The following DZIP3 variants were observed in gnomAD, a reference collection of about 807,000 sequenced individuals.
The protein encoded by DZIP3 is E3 ubiquitin-protein ligase DZIP3.
DZIP3 carries 118 observed loss-of-function variants against 162.0 expected under a neutral mutation model. The ratio of observed to expected loss-of-function variants is 0.73; its 90% confidence interval spans 0.63 to 0.85. DZIP3 has a LOEUF of 0.85. Among genes scored for constraint, DZIP3 ranks in the 40% least tolerant of loss-of-function variants. The pLI is 0.00. For synonymous variants in DZIP3, 438 were observed against 458.6 expected (o/e 0.96, Z 0.57); for missense variants, 1,331 against 1,407.0 (o/e 0.95, Z 0.86).
chr3:108,627,802 G>A (rs531558547), intron 7 of DZIP3, among the ~76,000 whole-genome samples: 1 of 151,692 alleles, frequency 6.6e-6, no homozygotes, highest in South Asian at 2.1e-4. Context: ...AAGCTTTTTC[G>A]TCCTGGGCAA....
chr3:108,681,055 C>T (rs2107395623), intron 26 of DZIP3, among the ~76,000 whole-genome samples: 1 of 152,236 alleles, frequency 6.6e-6, no homozygotes, highest in East Asian at 1.9e-4. Flanking sequence ...GACTTCATGA[C>T]TAAAACACCA....
At chr3:108,616,474 A>G in intron 4 of DZIP3, 67 bp from the exon 5 acceptor site, 1 of 1,045,528 alleles carries the variant, frequency 9.6e-7, no homozygotes, top group Non-Finnish European at 1.4e-6. Flanking sequence ...AATTATTTGT[A>G]TAATGTAAAC....
At chr3:108,634,068 A>G (rs1035798070) in intron 9 of DZIP3, among the ~76,000 whole-genome samples, 3 of 152,096 alleles carry the variant, frequency 2.0e-5, no homozygotes, top group Non-Finnish European at 4.4e-5. Flanking sequence ...ATACTCTAAA[A>G]AAAATAACTG....
intron 12 of DZIP3, among the ~76,000 whole-genome samples, chr3:108,638,317 T>TTTTGTTTG (rs59900626): frequency 1 from 151,310 of 151,830 alleles, 75,396 homozygotes; most frequent in Middle Eastern, 1. Flanking sequence ...ATTTAGGTTT[T>TTTTGTTTG]TTTGTTTGTT....
chr3:108,614,839 C>G (rs1475591119), intron 4 of DZIP3, among the ~76,000 whole-genome samples: 2 of 152,144 alleles, frequency 1.3e-5, no homozygotes, highest in African/African-American at 4.8e-5. Context: ...CCGCAGTGGC[C>G]CACCATGGGT....
rs780109183 is a variant in DZIP3 at position 108,611,313 on chromosome 3, C to T, written c.242C>T (p.Ser81Phe). ...AAGAAGTTCTTACAAGAAGATTTTT[C>T]CTTCCAAACTATGCAGGTAACGTCA... ...HIKKFLQEDFSFQTMQREVAA... is the reference protein window; with the variant it reads ...HIKKFLQEDFFFQTMQREVAA... Residue 81 changes from serine to phenylalanine, a missense_variant, in exon 4 of 33, where the codon TCC becomes TTC. This residue lies in a region of DZIP3 where 1,278 missense variants were observed against 1,317.1 expected (regional missense o/e 0.97). Transcript: ENST00000361582. 2.0e-5 allele frequency: 32 copies of T among 1,612,136 alleles called. No homozygotes were observed. Among genetic ancestry groups the T allele is most frequent in the African/African-American group, 1.2e-4 (9 of 74,840 alleles).
At chr3:108,650,661 C>T (rs1053549146) in intron 17 of DZIP3, among the ~76,000 whole-genome samples, 2 of 151,322 alleles carry the variant, frequency 1.3e-5, no homozygotes, top group East Asian at 1.9e-4. Flanking sequence ...AGATTCTTAA[C>T]GTATCAGTCT....
In DZIP3 at chr3:108,589,843, A is replaced by G. The variant is rs1373082358; in HGVS notation, c.-73+4A>G. ...GCTTGCCCCTAGTCTAGACACGGTG[A>G]GGAGCTCTGAGGAGAAGAATCTTGG... is the stretch of plus-strand genomic sequence containing the variant. On this transcript the variant is annotated splice_donor_region_variant and intron_variant, in intron 1 of 32. Transcript: ENST00000361582. The G allele has an allele frequency of 6.5e-6, 1 of 152,920 alleles. No individual in the cohort carries two copies. The highest frequency in any genetic ancestry group is 2.4e-5 in the African/African-American group (1 of 41,364). 9.5% of individuals were successfully genotyped at this position (152,920 alleles called of 1,614,324 possible).
chr3:108,589,707 GAAGGGGGATTCCTCA>G (rs907704807), exon 1 of DZIP3: 6 of 232,668 alleles, frequency 2.6e-5, no homozygotes, highest in Admixed American at 2.3e-4. Context: ...TCGGTTAGGA[GAAGGGGGATTCCTCA>G]CTCAGCTGTG....
chr3:108,653,531 A>G (rs1303605948), intron 18 of DZIP3, among the ~76,000 whole-genome samples: 1 of 142,580 alleles, frequency 7.0e-6, no homozygotes, highest in Non-Finnish European at 1.5e-5. Flanking sequence ...ATATATATAT[A>G]TATATATATA....
At position 108,686,465 on chromosome 3, in the gene DZIP3, T is replaced by C. The variant is rs1362796779; in HGVS notation, c.3030T>C (p.Ala1010=). Residue 1010 remains alanine (A), a synonymous_variant, in exon 28 of 33, where the codon GCT becomes GCC. Coordinates refer to ENST00000361582, the MANE Select transcript of DZIP3 (RefSeq NM_014648.4). The part of the protein sequence containing the change: ...RAPLMTGIAW[A]LPAPVGDAVP... ...TACAGATGACTGGCATAGCCTGGGCTCTGCCAGCGCCTGTGGGAGACGCTG... is the reference window on the plus strand; with the variant it reads ...TACAGATGACTGGCATAGCCTGGGCCCTGCCAGCGCCTGTGGGAGACGCTG... 1 of 1,600,734 alleles carries C rather than the reference T, an allele frequency of 6.2e-7. No individual in the cohort carries two copies. Among genetic ancestry groups the C allele is most frequent in the Non-Finnish European group, 8.5e-7 (1 of 1,175,634 alleles).
chr3:108,620,230 T>G (rs1006554995), intron 5 of DZIP3, among the ~76,000 whole-genome samples: 1 of 152,144 alleles, frequency 6.6e-6, no homozygotes, highest in African/African-American at 2.4e-5. Flanking sequence ...TATAAGAGAC[T>G]CAGTGATCAA....
At chr3:108,672,856 GT>G in intron 23 of DZIP3, among the ~76,000 whole-genome samples, 200 bp downstream of exon 23, 1 of 152,010 alleles carries the variant, frequency 6.6e-6, no homozygotes, top group South Asian at 2.1e-4. Flanking sequence ...CAGTTTTGAT[GT>G]TCTTATGTTG....
intron 1 of DZIP3, among the ~76,000 whole-genome samples, chr3:108,590,594 A>T (rs1192270856): frequency 6.6e-6 from 1 of 151,894 alleles, no homozygotes; most frequent in Non-Finnish European, 1.5e-5. Flanking sequence ...GTCAGGGAAC[A>T]GAGATGAAGT....
intron 21 of DZIP3, among the ~76,000 whole-genome samples, chr3:108,663,745 C>T (rs1179103495): frequency 6.6e-6 from 1 of 152,186 alleles, no homozygotes; most frequent in Non-Finnish European, 1.5e-5. Flanking sequence ...GACCCATGCA[C>T]TCTTACATGC....
chr3:108,589,542 T>C, upstream of DZIP3: 1 of 514,614 alleles, frequency 1.9e-6, no homozygotes, highest in Non-Finnish European at 3.5e-6. Flanking sequence ...CCGTTCTCGG[T>C]GACGGCCGGG....
At chr3:108,647,769 T>G (rs972317567) in intron 15 of DZIP3, among the ~76,000 whole-genome samples, 174 bp from the exon 16 acceptor site, 6 of 152,192 alleles carry the variant, frequency 3.9e-5, no homozygotes, top group African/African-American at 1.4e-4. Flanking sequence ...TGTTTGTACA[T>G]ATTATTTGGT....
rs200780800 is a variant in DZIP3 at position 108,637,484 on chromosome 3, C to T, written c.1012-12C>T. On this transcript the variant is annotated splice_polypyrimidine_tract_variant and intron_variant, in intron 11 of 32. Coordinates refer to ENST00000361582, the MANE Select transcript of DZIP3 (RefSeq NM_014648.4). ...CTACTTTAGGGCTATTTTTTTTCCC[C>T]ATTACTTGCAGTTTGAAGTTGTGAG... 8 of 1,606,636 alleles carry T rather than the reference C, an allele frequency of 5.0e-6. No homozygotes were observed. The highest frequency in any genetic ancestry group is 6.8e-6 in the Non-Finnish European group (8 of 1,177,234).
rs752503626 is a variant in DZIP3 at position 108,672,549 on chromosome 3, A to T, written c.2493-11A>T. On this transcript the variant is annotated splice_polypyrimidine_tract_variant and intron_variant, in intron 22 of 32. Transcript: ENST00000361582. ...GTAATATTGCGAGTCTTTAATGATC[A>T]TGTATTTCAGATCTCAGTGGGAAAT... 22 of 1,606,544 alleles carry T rather than the reference A, an allele frequency of 1.4e-5. No homozygotes were observed. The highest frequency in any genetic ancestry group is 1.8e-5 in the Non-Finnish European group (21 of 1,173,950).
Sources: allele counts gnomAD v4.1 joint callset (sites outside exome capture counted in the v4.1 genomes callset), GRCh38; gene constraint gnomAD v4.1.1; regional missense constraint gnomAD v4.1.1; transcripts MANE v1.5; gene names NCBI Gene and HGNC (gene_info 2026-07-23, HGNC 2026-07-21).